LRP1B: variants seen among roughly 807,000 people sequenced by gnomAD.
The protein encoded by LRP1B is low-density lipoprotein receptor-related protein 1B.
LRP1B carries 217 observed loss-of-function variants against 556.6 expected under a neutral mutation model. The observed-to-expected ratio is 0.39, with a 90% CI of 0.35 to 0.44. LRP1B has a LOEUF of 0.44. LRP1B is among the 20% of genes least tolerant of loss of function. The pLI is 1.00. For synonymous variants in LRP1B, 2,047 were observed against 1,865.8 expected (o/e 1.10, Z -2.50); for missense variants, 5,053 against 5,620.8 (o/e 0.90, Z 3.23).
chr2:141,637,088 G>T (rs1689131416), intron 2 of LRP1B, among the ~76,000 whole-genome samples: 2 of 151,968 alleles, frequency 1.3e-5, no homozygotes, highest in South Asian at 4.1e-4. Flanking sequence ...TTTTTTTAAG[G>T]CAAGCATGTG....
At chr2:141,472,159 G>C (rs558282020) in intron 3 of LRP1B, among the ~76,000 whole-genome samples, 76 of 152,326 alleles carry the variant, frequency 5.0e-4, no homozygotes, top group African/African-American at 1.8e-3. Flanking sequence ...TATCAAAGCA[G>C]TTGCTATTTC....
chr2:140,322,309 T>C (rs1479570379), intron 81 of LRP1B, among the ~76,000 whole-genome samples: 2 of 152,090 alleles, frequency 1.3e-5, no homozygotes, highest in Admixed American at 6.6e-5. Flanking sequence ...GCCTTATTTA[T>C]ATTTTCCAAA....
rs149700938 is a variant in LRP1B at position 140,811,386 on chromosome 2, C to T, written c.5359+2271G>A. ...TAGTATTCATTTTCTACTCAAAACA[C>T]GGTCAGCAGCAATATTAGCAGAAAT... On this transcript the variant is annotated intron_variant, in intron 32 of 90. Transcript: ENST00000389484. Among the ~76,000 whole-genome samples, 991 of 152,232 alleles carry T rather than the reference C, an allele frequency of 6.5e-3. 15 individuals are homozygous for T. The highest frequency in any genetic ancestry group is 0.021 in the African/African-American group (869 of 41,542).
At chr2:141,844,354 ATCAC>A (rs1358827905) in intron 1 of LRP1B, among the ~76,000 whole-genome samples, 1 of 152,096 alleles carries the variant, frequency 6.6e-6, no homozygotes, top group East Asian at 1.9e-4. Flanking sequence ...TGGAAATTAA[ATCAC>A]TCACAGTATT....
At chr2:141,882,934 G>A (rs1416428472) in intron 1 of LRP1B, among the ~76,000 whole-genome samples, 1 of 152,096 alleles carries the variant, frequency 6.6e-6, no homozygotes, top group African/African-American at 2.4e-5. Context: ...AGTGACAAAG[G>A]TGGCAAACGT....
At position 140,285,129 on chromosome 2, in the gene LRP1B, GTGTGTGTGTAGATACACATGTATATA is replaced by G. The variant is rs566914106; in HGVS notation, c.12968-10557_12968-10532del. Among the ~76,000 whole-genome samples, 434 of 149,296 alleles carry G rather than the reference GTGTGTGTGTAGATACACATGTATATA, an allele frequency of 2.9e-3. 1 individual carries two copies. Among genetic ancestry groups the G allele is most frequent in the Non-Finnish European group, 5.0e-3 (338 of 67,080 alleles). ...TATATATATGTGTGTGTATATATAT[GTGTGTGTGTAGATACACATGTATATA>G]TGTGTGTGTAGATACATATACATAT... On this transcript the variant is annotated intron_variant, in intron 84 of 90. Transcript: ENST00000389484.
intron 66 of LRP1B, among the ~76,000 whole-genome samples, chr2:140,426,229 A>C (rs938659163): frequency 1.3e-5 from 2 of 152,202 alleles, no homozygotes; most frequent in Non-Finnish European, 2.9e-5. Flanking sequence ...GAAATGACAT[A>C]TTCCCAATAT....
chr2:140,827,141 T>C lies in LRP1B; in HGVS notation c.5209+12850A>G, dbSNP rs185220802. ...TTTACAAGTGACTGCAAAGAAACTC[T>C]AAGCAAACATACCCTAGAAAACCAA... On this transcript the variant is annotated intron_variant, in intron 31 of 90. Coordinates refer to ENST00000389484, the MANE Select transcript of LRP1B (RefSeq NM_018557.3). Among the ~76,000 whole-genome samples, 793 of 152,218 alleles carry C rather than the reference T, an allele frequency of 5.2e-3. 3 individuals carry two copies. Among genetic ancestry groups the C allele is most frequent in the Non-Finnish European group, 8.0e-3 (543 of 68,006 alleles).
chr2:141,087,418 G>A (rs1023321803), intron 7 of LRP1B, among the ~76,000 whole-genome samples: 2 of 152,110 alleles, frequency 1.3e-5, no homozygotes, highest in African/African-American at 4.8e-5. Flanking sequence ...CTATGTAATG[G>A]TTACTTTCAA....
chr2:140,363,598 G>T (rs1474892579), intron 72 of LRP1B, among the ~76,000 whole-genome samples: 1 of 151,454 alleles, frequency 6.6e-6, no homozygotes, highest in Non-Finnish European at 1.5e-5. Flanking sequence ...TTATTTCTAA[G>T]ATTATGTAAA....
chr2:141,167,977 G>A (rs2105131779), intron 7 of LRP1B, among the ~76,000 whole-genome samples: 1 of 152,022 alleles, frequency 6.6e-6, no homozygotes, highest in Non-Finnish European at 1.5e-5. Context: ...GATGATTCTT[G>A]ACAAATAATA....
At position 141,378,268 on chromosome 2, in the gene LRP1B, T is replaced by G. The variant is rs184257820; in HGVS notation, c.343+102128A>C. On this transcript the variant is annotated intron_variant, in intron 3 of 90. Transcript: ENST00000389484. ...ATTCACAGGAGTTAACAGAGCTGCC[T>G]GAAGAACATTGAACATTTTAGACAA... 2.2e-3 allele frequency among the ~76,000 whole-genome samples: 328 copies of G among 152,264 alleles called. 1 individual carries two copies. Among genetic ancestry groups the G allele is most frequent in the Admixed American group, 5.5e-3 (84 of 15,294 alleles).
intron 25 of LRP1B, among the ~76,000 whole-genome samples, chr2:140,869,893 A>C (rs1231167514): frequency 6.6e-6 from 1 of 152,092 alleles, no homozygotes; most frequent in Admixed American, 6.6e-5. Context: ...AATATGCCAA[A>C]GTATGGTACT....
chr2:140,250,827 T>G (rs1172887028), intron 86 of LRP1B, among the ~76,000 whole-genome samples: 2 of 151,750 alleles, frequency 1.3e-5, no homozygotes, highest in Non-Finnish European at 3.0e-5. Flanking sequence ...TACATTGTTA[T>G]TATTATATTC....
At chr2:141,167,126 T>C (rs1009006814) in intron 7 of LRP1B, 2 of 151,956 alleles carry the variant, frequency 1.3e-5, no homozygotes, top group South Asian at 2.1e-4. Flanking sequence ...ATATAAGTTA[T>C]ATAATACAAA....
At chr2:140,528,301 T>C (rs1690527274) in intron 47 of LRP1B, among the ~76,000 whole-genome samples, 1 of 151,938 alleles carries the variant, frequency 6.6e-6, no homozygotes, top group African/African-American at 2.4e-5. Flanking sequence ...GAACACAGTC[T>C]TAGATTGAGT....
intron 17 of LRP1B, among the ~76,000 whole-genome samples, chr2:140,985,327 A>AC (rs1696887508): frequency 6.6e-6 from 1 of 151,226 alleles, no homozygotes; most frequent in South Asian, 2.1e-4. Flanking sequence ...AGAAAAGTCT[A>AC]ATTTTTAAAT....
chr2:141,850,154 T>G (rs970832515), intron 1 of LRP1B, among the ~76,000 whole-genome samples: 1 of 151,778 alleles, frequency 6.6e-6, no homozygotes, highest in Non-Finnish European at 1.5e-5. Context: ...TTTTCATTAT[T>G]AAACCCTTTG....
intron 1 of LRP1B, among the ~76,000 whole-genome samples, chr2:142,048,026 G>A (rs900601212): frequency 4.6e-5 from 7 of 151,630 alleles, no homozygotes; most frequent in African/African-American, 1.7e-4. Context: ...TACTAACATA[G>A]TGGTCAAAAT....
Sources: allele counts gnomAD v4.1 joint callset (sites outside exome capture counted in the v4.1 genomes callset), GRCh38; gene constraint gnomAD v4.1.1; transcripts MANE v1.5; gene names NCBI Gene and HGNC (gene_info 2026-07-23, HGNC 2026-07-21).